CDH4: variants seen among roughly 807,000 people sequenced by gnomAD.
CDH4 encodes the protein cadherin 4.
Under a neutral mutation model 86.0 loss-of-function variants are expected in CDH4, and 33 were observed. The ratio of observed to expected loss-of-function variants is 0.38; its 90% CI spans 0.29 to 0.51. The LOEUF (loss-of-function observed/expected upper bound fraction) is 0.51. CDH4 is among the 20% of genes least tolerant of loss of function. The pLI is 0.86. For synonymous variants in CDH4, 555 were observed against 549.4 expected (o/e 1.01, Z -0.14); for missense variants, 1,114 against 1,307.4 (o/e 0.85, Z 2.28).
Position 61,345,134 on chromosome 20 carries a change from T to A in CDH4, c.169+90197T>A, listed in dbSNP as rs183300709. Among the ~76,000 whole-genome samples the A allele has an allele frequency of 2.0e-5, 3 of 152,350 alleles. No homozygotes were observed. In the East Asian group the frequency reaches 5.8e-4, roughly 29 times the overall value. On this transcript the variant is annotated intron_variant, in intron 2 of 15. Transcript: ENST00000614565. ...TCAAATTCTACCAAGAGTCAACACA[T>A]GCTCCTAATGAGAAACCTAATGGGT...
Position 61,937,218 on chromosome 20 carries a change from T to TAAAAAA in CDH4, c.*289_*294dup, listed in dbSNP as rs11476350. On this transcript the variant is annotated 3_prime_UTR_variant, in exon 16 of 16. Coordinates refer to ENST00000614565, the MANE Select transcript of CDH4 (RefSeq NM_001794.5). ...TTTCCTAGAACAGAAGCACTGTTTT[T>TAAAAAA]AAAAAAAAAAAAAAAAAAAGAAGAA... is the stretch of plus-strand genomic sequence containing the variant. 1 of 103,148 alleles carries TAAAAAA rather than the reference T, an allele frequency of 9.7e-6. No homozygotes were observed. Among genetic ancestry groups the TAAAAAA allele is most frequent in the Non-Finnish European group, 1.7e-5 (1 of 57,584 alleles). The allele number at this position is 103,148 out of a possible 1,614,324, so 6.4% of individuals were successfully genotyped here.
At chr20:61,503,832 C>T (rs1167737838) in intron 2 of CDH4, among the ~76,000 whole-genome samples, 1 of 152,168 alleles carries the variant, frequency 6.6e-6, no homozygotes, top group Non-Finnish European at 1.5e-5. Flanking sequence ...GTACAGTGGA[C>T]ACAATTTTCT....
In CDH4 at chr20:61,936,831, T is replaced by A; in HGVS notation, c.2639T>A (p.Val880Asp). ...YEGSGSTAGS[V>D]SSLNSSSSGD... Reference sequence around the variant, plus strand: ...GGGAGCGGCTCCACCGCAGGCTCCGTCAGCTCCCTGAACTCATCCAGTTCC... The same window carrying A: ...GGGAGCGGCTCCACCGCAGGCTCCGACAGCTCCCTGAACTCATCCAGTTCC... Residue 880 changes from valine to aspartate, a missense_variant, in exon 16 of 16, where the codon GTC becomes GAC. Val to Asp is a radical substitution (Grantham distance 152, BLOSUM62 -3). Transcript: ENST00000614565. 2 of 1,610,820 alleles carry A rather than the reference T, an allele frequency of 1.2e-6. No individual in the cohort carries two copies. Among genetic ancestry groups the A allele is most frequent in the South Asian group, 2.2e-5 (2 of 90,682 alleles).
intron 6 of CDH4, among the ~76,000 whole-genome samples, chr20:61,860,425 C>T (rs1351281520): frequency 6.6e-6 from 1 of 152,186 alleles, no homozygotes; most frequent in African/African-American, 2.4e-5. Context: ...CATGTCTGAA[C>T]GATGCAGTTT....
intron 2 of CDH4, among the ~76,000 whole-genome samples, chr20:61,726,642 C>T (rs2088115033): frequency 1.3e-5 from 2 of 152,016 alleles, no homozygotes; most frequent in South Asian, 4.2e-4. Context: ...CCATCAGTCC[C>T]ATCACCACCA....
intron 2 of CDH4, among the ~76,000 whole-genome samples, chr20:61,583,914 T>C (rs1003628636): frequency 6.6e-6 from 1 of 152,128 alleles, no homozygotes; most frequent in Non-Finnish European, 1.5e-5. Context: ...ATCCCAGCAC[T>C]TGGGGAGGCT....
rs753137381 is a variant in CDH4, at chr20:61,928,207, G to A, written c.1789G>A (p.Gly597Ser). ...AADNGIPPAS[G>S]TGTLQIYLID... is the part of the protein sequence containing the mutation. ...TTCCACAGGGATACCCCCGGCCAGC[G>A]GCACCGGGACCCTCCAGATCTATCT... The change falls in exon 12 of 16, where the codon GGC becomes AGC. Residue 597 changes from glycine to serine, a missense_variant. Gly to Ser is a moderately conservative substitution (Grantham distance 56). Around this residue, in one of 3 missense-constraint regions of CDH4, gnomAD observed 705 missense variants for 914.1 expected, o/e 0.77. Transcript: ENST00000614565. 1.3e-5 allele frequency: 21 copies of A among 1,601,364 alleles called. No individual in the cohort carries two copies. Among genetic ancestry groups the A allele is most frequent in the Middle Eastern group, 1.6e-4 (1 of 6,084 alleles).
intron 2 of CDH4, among the ~76,000 whole-genome samples, chr20:61,406,055 C>G (rs2085080205): frequency 6.6e-6 from 1 of 152,206 alleles, no homozygotes; most frequent in African/African-American, 2.4e-5. Flanking sequence ...CCCATAAACC[C>G]AGCCCCTTGG....
chr20:61,494,744 G>A (rs1568864710), intron 2 of CDH4, among the ~76,000 whole-genome samples: 1 of 152,214 alleles, frequency 6.6e-6, no homozygotes, highest in Non-Finnish European at 1.5e-5. Context: ...TGGAGAGAAA[G>A]GGACTTATTG....
chr20:61,294,247 T>C (rs980628187), intron 2 of CDH4, among the ~76,000 whole-genome samples: 14 of 152,154 alleles, frequency 9.2e-5, no homozygotes, highest in African/African-American at 3.1e-4. Context: ...TTCCCTGAGC[T>C]GGGGTCTGCA....
chr20:61,587,620 C>T (rs1382340989), intron 2 of CDH4, among the ~76,000 whole-genome samples: 2 of 152,038 alleles, frequency 1.3e-5, no homozygotes, highest in East Asian at 3.9e-4. Context: ...CCAGCTGACC[C>T]CATAACCAGC....
chr20:61,460,991 T>G (rs548069965), intron 2 of CDH4, among the ~76,000 whole-genome samples: 1 of 152,282 alleles, frequency 6.6e-6, no homozygotes, highest in South Asian at 2.1e-4. Context: ...GACAGTATCC[T>G]GCTCCCATCT....
chr20:61,584,751 G>A (rs2086456908), intron 2 of CDH4, among the ~76,000 whole-genome samples: 1 of 152,228 alleles, frequency 6.6e-6, no homozygotes, highest in Admixed American at 6.5e-5. Context: ...AAGTTTAGGG[G>A]GAAAGATAAC....
At chr20:61,504,002 G>T (rs2085722536) in intron 2 of CDH4, among the ~76,000 whole-genome samples, 1 of 152,218 alleles carries the variant, frequency 6.6e-6, no homozygotes, top group Admixed American at 6.5e-5. Context: ...AGGGGCCAGA[G>T]ATACGCCCCC....
At chr20:61,755,476 C>G (rs1269129132) in intron 3 of CDH4, among the ~76,000 whole-genome samples, 1 of 145,572 alleles carries the variant, frequency 6.9e-6, no homozygotes, top group Non-Finnish European at 1.5e-5. Context: ...ACACACCATA[C>G]ACACAGTGCA....
intron 2 of CDH4, among the ~76,000 whole-genome samples, chr20:61,473,015 CAGGGG>C (rs767308786): frequency 6.6e-5 from 10 of 152,110 alleles, no homozygotes; most frequent in Non-Finnish European, 1.3e-4. Flanking sequence ...TCTGGTGGGG[CAGGGG>C]AGGGGAGGGG....
At chr20:61,434,889 AAAC>A (rs1185852686) in intron 2 of CDH4, 1 of 151,484 alleles carries the variant, frequency 6.6e-6, no homozygotes, top group Non-Finnish European at 1.5e-5. Flanking sequence ...CAATTAAAAA[AAAC>A]AACAACTTAT....
intron 2 of CDH4, among the ~76,000 whole-genome samples, chr20:61,402,373 A>G (rs576462798): frequency 2.0e-5 from 3 of 151,566 alleles, no homozygotes; most frequent in Admixed American, 6.5e-5. Context: ...AAGTCTGTAC[A>G]TGTTCAGTAC....
chr20:61,268,481 C>A (rs1461009324), intron 2 of CDH4, among the ~76,000 whole-genome samples: 12 of 152,202 alleles, frequency 7.9e-5, no homozygotes, highest in Admixed American at 6.5e-4. Flanking sequence ...GAGGAAGATA[C>A]CTTTTCTCCT....
Sources: gnomAD v4.1 joint callset for allele counts (sites outside exome capture counted in the v4.1 genomes callset) on GRCh38, gnomAD v4.1.1 for gene constraint, gnomAD v4.1.1 regional missense constraint, MANE v1.5 for transcripts, NCBI Gene and HGNC (gene_info 2026-07-23, HGNC 2026-07-21) for gene names.